TENM1: variants seen among roughly 807,000 people sequenced by gnomAD.
TENM1 encodes teneurin transmembrane protein 1, also known as teneurin-1.
A neutral mutation model predicts 174.8 loss-of-function variants in TENM1; 35 were observed. The observed-to-expected ratio is 0.20, with a 90% CI of 0.15 to 0.27. The LOEUF is 0.27. TENM1 is among the 10% of genes least tolerant of loss of function. TENM1 has a pLI of 1.00. For synonymous variants in TENM1, 781 were observed against 798.7 expected (o/e 0.98, Z 0.37); for missense variants, 1,633 against 2,130.1 (o/e 0.77, Z 4.59).
the TENM1 span, among the ~76,000 whole-genome samples, chrX:125,109,586 C>T: frequency 1.8e-5 from 2 of 111,019 alleles, no homozygotes; most frequent in Non-Finnish European, 3.8e-5. Flanking sequence ...TAAAGAAACA[C>T]TTTCTGGCTA....
the TENM1 span, among the ~76,000 whole-genome samples, chrX:125,198,108 T>G: frequency 1.8e-5 from 2 of 112,085 alleles, no homozygotes; most frequent in Non-Finnish European, 3.8e-5. Flanking sequence ...ATTTCCTCAT[T>G]GTTGACTACT....
chrX:124,749,193 C>T (rs1365394184), intron 3 of TENM1, among the ~76,000 whole-genome samples: 1 of 111,418 alleles, frequency 9.0e-6, no homozygotes, highest in Non-Finnish European at 1.9e-5. Context: ...CCAAGCCACA[C>T]CAAACACTCT....
chrX:124,945,854 A>C (rs1388994061), intron 1 of TENM1, among the ~76,000 whole-genome samples: 1 of 111,855 alleles, frequency 8.9e-6, no homozygotes, highest in Non-Finnish European at 1.9e-5. Flanking sequence ...TGAAATAAAG[A>C]AGTGAGGCAA....
At chrX:124,604,385 T>C (rs1038689098) in intron 11 of TENM1, among the ~76,000 whole-genome samples, 2 of 111,855 alleles carry the variant, frequency 1.8e-5, no homozygotes, top group Non-Finnish European at 3.8e-5. Flanking sequence ...CTTAAAATGC[T>C]GGCTTCCTCA....
chrX:124,794,218 T>C (rs2055250527), intron 3 of TENM1, among the ~76,000 whole-genome samples: 1 of 111,540 alleles, frequency 9.0e-6, no homozygotes, highest in Non-Finnish European at 1.9e-5. Flanking sequence ...TAAATGTCGC[T>C]GTTTGCTGAC....
Position 124,553,641 on chromosome X carries a change from A to C in TENM1, c.2435-6551T>G, listed in dbSNP as rs573134699. On this transcript the variant is annotated intron_variant, in intron 14 of 31. Transcript: ENST00000422452. ...TTGCCTTTAAAAAAAAAAAAAAAAA[A>C]AAACAAATTTTCTTCATCACATTTA... Among the ~76,000 whole-genome samples the C allele has an allele frequency of 1.3e-4, 14 of 110,038 alleles. No homozygotes were observed. The South Asian group carries it at 2.7e-3, about 22-fold the overall frequency.
chrX:125,103,466 G>A, the TENM1 span, among the ~76,000 whole-genome samples: 1 of 111,111 alleles, frequency 9.0e-6, no homozygotes, highest in African/African-American at 3.3e-5. Flanking sequence ...TGGGCTCACG[G>A]TGTGATTTTT....
intron 3 of TENM1, among the ~76,000 whole-genome samples, chrX:124,808,253 T>C (rs1402953679): frequency 9.0e-6 from 1 of 111,682 alleles, no homozygotes; most frequent in Non-Finnish European, 1.9e-5. Context: ...TATATAAAGA[T>C]AAAGGGGTCA....
At chrX:124,640,123 A>G (rs2050976722) in intron 11 of TENM1, among the ~76,000 whole-genome samples, 1 of 110,869 alleles carries the variant, frequency 9.0e-6, no homozygotes, top group Admixed American at 9.6e-5. Context: ...ATAGAGATAT[A>G]CATATCTATA....
At chrX:124,727,745 G>A (rs1457909190) in intron 4 of TENM1, among the ~76,000 whole-genome samples, 2 of 111,371 alleles carry the variant, frequency 1.8e-5, no homozygotes, top group Non-Finnish European at 3.8e-5. Context: ...CAGTGCCAGG[G>A]GATGGACATG....
intron 11 of TENM1, among the ~76,000 whole-genome samples, chrX:124,630,178 T>C (rs1406797532): frequency 1.8e-5 from 2 of 112,669 alleles, no homozygotes; most frequent in Non-Finnish European, 3.8e-5. Flanking sequence ...TTTCATTGCT[T>C]GATATGCAGA....
intron 3 of TENM1, among the ~76,000 whole-genome samples, chrX:124,738,326 A>G (rs1185334982): frequency 9.0e-6 from 1 of 111,033 alleles, no homozygotes; most frequent in Non-Finnish European, 1.9e-5. Flanking sequence ...GTGGCTGATC[A>G]CAGAAAAAAA....
At chrX:124,617,224 T>C (rs1253314815) in intron 11 of TENM1, among the ~76,000 whole-genome samples, 2 of 112,094 alleles carry the variant, frequency 1.8e-5, no homozygotes, top group East Asian at 2.8e-4. Flanking sequence ...TGAATAGGTA[T>C]CACTAAAGAG....
intron 14 of TENM1, among the ~76,000 whole-genome samples, chrX:124,552,562 T>C (rs924737813): frequency 8.9e-6 from 1 of 111,916 alleles, no homozygotes; most frequent in Non-Finnish European, 1.9e-5. Context: ...AAATACGTTG[T>C]TTGTATGCCA....
intron 5 of TENM1, among the ~76,000 whole-genome samples, chrX:124,691,888 C>T (rs1200517273): frequency 9.0e-6 from 1 of 110,592 alleles, no homozygotes; most frequent in East Asian, 2.8e-4. Flanking sequence ...GTGGTGTGTT[C>T]GTTATAATTT....
intron 3 of TENM1, among the ~76,000 whole-genome samples, chrX:124,809,869 AGAGAGAGAG>A (rs1569452120): frequency 7.3e-4 from 79 of 108,405 alleles, no homozygotes; most frequent in African/African-American, 2.5e-3. Context: ...AGAGAGAGAG[AGAGAGAGAG>A]AAGCAGGAAG....
chrX:124,584,465 C>A (rs1314813390), intron 11 of TENM1, among the ~76,000 whole-genome samples: 3 of 109,209 alleles, frequency 2.7e-5, no homozygotes, highest in Non-Finnish European at 3.8e-5. Context: ...AAATAAAATA[C>A]TTTACAGACA....
intron 11 of TENM1, among the ~76,000 whole-genome samples, chrX:124,584,803 G>A (rs1157626183): frequency 9.0e-6 from 1 of 111,343 alleles, no homozygotes; most frequent in Non-Finnish European, 1.9e-5. Flanking sequence ...CTCATGTGCA[G>A]AGACACACAT....
At chrX:124,934,119 G>A (rs1311768354) in intron 1 of TENM1, among the ~76,000 whole-genome samples, 1 of 111,765 alleles carries the variant, frequency 8.9e-6, no homozygotes, top group Non-Finnish European at 1.9e-5. Flanking sequence ...TCTATACTTG[G>A]TTAATTTTGT....
Sources: gnomAD v4.1 joint callset for allele counts (sites outside exome capture counted in the v4.1 genomes callset) on GRCh38, gnomAD v4.1.1 for gene constraint, MANE v1.5 for transcripts, NCBI Gene and HGNC (gene_info 2026-07-23, HGNC 2026-07-21) for gene names.